The following RNF168 variants were observed in gnomAD, a reference collection of about 807,000 sequenced individuals.
RNF168 encodes E3 ubiquitin-protein ligase RNF168.
RNF168 carries 34 observed loss-of-function variants against 34.9 expected under a neutral mutation model. The ratio of observed to expected loss-of-function variants is 0.97; its 90% confidence interval spans 0.74 to 1.30. The LOEUF is 1.30. Ranked by LOEUF, RNF168 falls within the 50% of genes most tolerant of loss-of-function variation. RNF168 has a pLI of 0.00. For synonymous variants in RNF168, 264 were observed against 254.7 expected (o/e 1.04, Z -0.35); for missense variants, 725 against 682.5 (o/e 1.06, Z -0.69).
At position 196,502,938 on chromosome 3, in the gene RNF168, A is replaced by G; in HGVS notation, c.236T>C (p.Ile79Thr). 2 of 1,614,018 alleles carry G rather than the reference A, an allele frequency of 1.2e-6. No individual in the cohort carries two copies. The highest frequency in any genetic ancestry group is 1.7e-6 in the Non-Finnish European group (2 of 1,179,912). ...NSLVNVELWT[I>T]IQKHYPRECK... ...CTCCCTGGGATAGTGTTTTTGAATT[A>G]TCGTCCACAGTTCCACGTTGACGAG... Residue 79 changes from isoleucine (I) to threonine (T), a missense_variant, in exon 1 of 6, where the codon ATA becomes ACA. Ile to Thr is a moderately conservative substitution (Grantham distance 89, BLOSUM62 -1). Coordinates refer to ENST00000318037, the MANE Select transcript of RNF168 (RefSeq NM_152617.4).
intron 4 of RNF168, 119 bp downstream of exon 4, chr3:196,483,651 G>A (rs1439307643): frequency 2.3e-6 from 2 of 865,600 alleles, no homozygotes; most frequent in Non-Finnish European, 3.9e-6. Flanking sequence ...CTCAACCTCA[G>A]ACTATTTTCA....
At position 196,487,459 on chromosome 3, in the gene RNF168, T is replaced by A; in HGVS notation, c.498A>T (p.Arg166Ser). The change falls in exon 3 of 6, where the codon AGA (arginine) becomes AGT (serine). Residue 166 changes from arginine (R) to serine (S), a missense_variant. Arg to Ser is a moderately radical substitution (Grantham distance 110). Coordinates refer to ENST00000318037, the MANE Select transcript of RNF168 (RefSeq NM_152617.4). ...CACTTTTCAGTTGTTCTTCCATCGC[T>A]CTTCGCCTTTTTTCTGCCTGTCTTT... ...EEKRQAEKRRRAMEEQLKSDE... is the reference protein window; with the variant it reads ...EEKRQAEKRRSAMEEQLKSDE... 6.2e-7 allele frequency: 1 copy of A among 1,614,232 alleles called. No homozygotes were observed. The highest frequency in any genetic ancestry group is 8.5e-7 in the Non-Finnish European group (1 of 1,180,016).
chr3:196,480,996 C>T (rs1398310478), intron 4 of RNF168, among the ~76,000 whole-genome samples: 5 of 152,070 alleles, frequency 3.3e-5, no homozygotes, highest in Non-Finnish European at 5.9e-5. Flanking sequence ...ATACTACTAT[C>T]GACAGAGTAT....
rs1732943004 is a variant in RNF168 at position 196,503,072 on chromosome 3, C to A, written c.102G>T (p.Thr34=). 1 of 1,614,040 alleles carries A rather than the reference C, an allele frequency of 6.2e-7. No individual in the cohort carries two copies. The highest frequency in any genetic ancestry group is 1.3e-5 in the African/African-American group (1 of 74,918). Residue 34 remains threonine, a synonymous_variant, in exon 1 of 6, where the codon ACG becomes ACT. Coordinates refer to ENST00000318037, the MANE Select transcript of RNF168 (RefSeq NM_152617.4). ...TCGACTGGAAGCACGGTTTACACAG[C>A]GTGTGGTTACACGGGAGGGTGACGG... ...VEPVTLPCNH[T]LCKPCFQSTV...
At chr3:196,475,071 G>A (rs60280349) in intron 5 of RNF168, 160 bp downstream of exon 5, 70,570 of 606,294 alleles carry the variant, frequency 0.12, 7,796 homozygotes, top group African/African-American at 0.45. Flanking sequence ...AGTTTCCTTT[G>A]GAGAAAAAGT....
At chr3:196,502,679 G>A (rs949824951) in intron 1 of RNF168, among the ~76,000 whole-genome samples, 194 bp downstream of exon 1, 2 of 151,958 alleles carry the variant, frequency 1.3e-5, no homozygotes, top group African/African-American at 4.8e-5. Flanking sequence ...TTTTGACAAT[G>A]GACAAAATCT....
At chr3:196,478,998 C>T (rs930056661) in intron 4 of RNF168, among the ~76,000 whole-genome samples, 192 of 145,228 alleles carry the variant, frequency 1.3e-3, no homozygotes, top group African/African-American at 4.3e-3. Flanking sequence ...TGAGCCACCG[C>T]ACCTGGCCAT....
At chr3:196,492,234 C>G (rs768496420) in intron 1 of RNF168, among the ~76,000 whole-genome samples, 1 of 152,224 alleles carries the variant, frequency 6.6e-6, no homozygotes, top group African/African-American at 2.4e-5. Flanking sequence ...CACAGTGGCT[C>G]ATGCCTGTAA....
At position 196,472,762 on chromosome 3, in the gene RNF168, C is replaced by G. The variant is rs1420220542; in HGVS notation, c.773G>C (p.Ser258Thr). 2 of 1,600,846 alleles carry G rather than the reference C, an allele frequency of 1.2e-6. No individual in the cohort carries two copies. Among genetic ancestry groups the G allele is most frequent in the Non-Finnish European group, 8.6e-7 (1 of 1,168,524 alleles). ...RKDSVSKDID[S>T]SDRKSPTGQD... ...CCCTGTTGGGCTTTTCCTATCACTACTGTCAATGTCCTGTAGAAAACAGAA... is the reference window on the plus strand; with the variant it reads ...CCCTGTTGGGCTTTTCCTATCACTAGTGTCAATGTCCTGTAGAAAACAGAA... The change falls in exon 6 of 6, where the codon AGT (serine) becomes ACT (threonine). Residue 258 changes from serine (S) to threonine (T), a missense_variant. Ser to Thr is a moderately conservative substitution (Grantham distance 58, BLOSUM62 1). Coordinates refer to ENST00000318037, the MANE Select transcript of RNF168 (RefSeq NM_152617.4).
intron 4 of RNF168, among the ~76,000 whole-genome samples, chr3:196,481,599 G>A (rs142316510): frequency 2.0e-5 from 3 of 148,874 alleles, no homozygotes; most frequent in African/African-American, 5.0e-5. Flanking sequence ...ACAGCTAATT[G>A]AATAACTTAC....
At position 196,503,047 on chromosome 3, in the gene RNF168, T is replaced by C. The variant is rs1577527117; in HGVS notation, c.127A>G (p.Thr43Ala). 1.7e-5 allele frequency: 28 copies of C among 1,613,940 alleles called. No homozygotes were observed. Among genetic ancestry groups the C allele is most frequent in the East Asian group, 6.7e-5 (3 of 44,888 alleles). ...CAGCATAAACTCGCCTTTTCGACGG[T>C]CGACTGGAAGCACGGTTTACACAGC... ...HTLCKPCFQS[T>A]VEKASLCCPF... The change falls in exon 1 of 6, where the codon ACC becomes GCC. Residue 43 changes from threonine (T) to alanine (A), a missense_variant. Coordinates refer to ENST00000318037, the MANE Select transcript of RNF168 (RefSeq NM_152617.4).
intron 2 of RNF168, 77 bp downstream of exon 2, chr3:196,488,530 C>T (rs1250639143): frequency 8.8e-6 from 8 of 908,078 alleles, no homozygotes; most frequent in Admixed American, 6.2e-5. Context: ...TATATAAGCA[C>T]AAAAAACTAA....
intron 5 of RNF168, 151 bp downstream of exon 5, chr3:196,475,080 G>A: frequency 3.2e-6 from 2 of 617,528 alleles, no homozygotes; most frequent in Admixed American, 5.7e-5. Context: ...TGGAGAAAAA[G>A]TGCTTTTTCT....
At chr3:196,474,155 T>A (rs1732081580) in intron 5 of RNF168, among the ~76,000 whole-genome samples, 1 of 139,276 alleles carries the variant, frequency 7.2e-6, no homozygotes, top group South Asian at 2.3e-4. Flanking sequence ...TGAGGTGGAG[T>A]CTCACTCTGT....
In RNF168 at chr3:196,475,310, T is replaced by G. The variant is rs145416995; in HGVS notation, c.683A>C (p.Tyr228Ser). Residue 228 changes from tyrosine to serine, a missense_variant and splice_region_variant, in exon 5 of 6, where the codon TAT becomes TCT. Tyr to Ser is a moderately radical substitution (Grantham distance 144). Coordinates refer to ENST00000318037, the MANE Select transcript of RNF168 (RefSeq NM_152617.4). ...CCCAAACTGAGATTTCGGTGTCAAA[T>G]ACCTAAAAGAAAAGTTTACCAAAGT... The part of the protein sequence containing the change: ...KQRNTGDIQK[Y>S]LTPKSQFGSA... 8.8e-5 allele frequency: 140 copies of G among 1,594,638 alleles called. 1 individual carries two copies. The highest frequency in any genetic ancestry group is 7.1e-4 in the African/African-American group (53 of 74,604).
rs1560265727 is a variant in RNF168 at position 196,472,646 on chromosome 3, G to A, written c.889C>T (p.Pro297Ser). 1 of 1,611,678 alleles carries A rather than the reference G, an allele frequency of 6.2e-7. No homozygotes were observed. Among genetic ancestry groups the A allele is most frequent in the Non-Finnish European group, 8.5e-7 (1 of 1,178,042 alleles). ...EQGADSSIES[P>S]MPWLCACGAE... ...CCACAGGCACATAACCATGGCATAG[G>A]GGACTCTATTGAAGAATCTGCACCT... Residue 297 changes from proline to serine, a missense_variant, in exon 6 of 6, where the codon CCT (proline) becomes TCT (serine). Transcript: ENST00000318037.
intron 1 of RNF168, among the ~76,000 whole-genome samples, chr3:196,501,608 G>T (rs1245688562): frequency 2.0e-5 from 3 of 152,132 alleles, no homozygotes; most frequent in Admixed American, 6.6e-5. Flanking sequence ...AGTTTATCTG[G>T]GGTGATGAAA....
intron 4 of RNF168, among the ~76,000 whole-genome samples, chr3:196,480,730 C>A (rs1338735608): frequency 6.6e-6 from 1 of 152,174 alleles, no homozygotes; most frequent in Non-Finnish European, 1.5e-5. Context: ...GCAGCCGTAA[C>A]CTCCCAGGCT....
rs1411080872 is a variant in RNF168 at position 196,475,814 on chromosome 3, T to G, written c.681-502A>C. ...ATCCGCCTGCCTTGGCCTCCCAAAG[T>G]GCTGGGATTACAGGCGTGAGCCACT... On this transcript the variant is annotated intron_variant, in intron 4 of 5. Coordinates refer to ENST00000318037, the MANE Select transcript of RNF168 (RefSeq NM_152617.4). Among the ~76,000 whole-genome samples, 3 of 151,448 alleles carry G rather than the reference T, an allele frequency of 2.0e-5. No individual in the cohort carries two copies. In the East Asian group the frequency reaches 5.9e-4, roughly 30 times the overall value.
Sources: gnomAD v4.1 joint callset for allele counts (sites outside exome capture counted in the v4.1 genomes callset) on GRCh38, gnomAD v4.1.1 for gene constraint, MANE v1.5 for transcripts, NCBI Gene and HGNC (gene_info 2026-07-23, HGNC 2026-07-21) for gene names.